The following SHISA9 variants were observed in gnomAD, a reference collection of about 807,000 sequenced individuals.
The protein encoded by SHISA9 is shisa family member 9.
Under a neutral mutation model 38.0 loss-of-function variants are expected in SHISA9, and 13 were observed. That is an observed-to-expected ratio of 0.34 (90% confidence interval 0.22 to 0.54). SHISA9 has a LOEUF of 0.54. Ranked by LOEUF, SHISA9 falls within the 20% of genes least tolerant of loss-of-function variation. SHISA9 has a pLI of 0.91. For missense variants in SHISA9, 538 were observed against 575.8 expected, an observed-to-expected ratio of 0.93 and a Z score of 0.67; for synonymous variants, 275 against 242.0, an observed-to-expected ratio of 1.14 and a Z score of -1.27.
intron 2 of SHISA9, among the ~76,000 whole-genome samples, chr16:13,140,229 T>A (rs928021864): frequency 3.4e-5 from 5 of 146,826 alleles, no homozygotes; most frequent in African/African-American, 1.3e-4. Context: ...CAGGCTGGAG[T>A]GCAATGATAC....
chr16:12,933,863 A>G (rs1309006287), intron 2 of SHISA9, among the ~76,000 whole-genome samples: 1 of 152,172 alleles, frequency 6.6e-6, no homozygotes, highest in Non-Finnish European at 1.5e-5. Flanking sequence ...TAGTGGGGGA[A>G]GACTGTTCAC....
intron 2 of SHISA9, among the ~76,000 whole-genome samples, chr16:13,080,689 T>A (rs1456754971): frequency 1.3e-5 from 2 of 152,254 alleles, no homozygotes; most frequent in Non-Finnish European, 2.9e-5. Flanking sequence ...AATAATGCTT[T>A]GCAGTGATTA....
the SHISA9 span, among the ~76,000 whole-genome samples, chr16:13,476,738 GTTTTTTTT>G: frequency 7.5e-4 from 49 of 65,226 alleles, no homozygotes; most frequent in African/African-American, 2.4e-3. Context: ...CCTGTTTTGT[GTTTTTTTT>G]TTTTTTTTTT....
At chr16:12,907,755 C>T (rs181304872) in intron 1 of SHISA9, among the ~76,000 whole-genome samples, 70 of 152,248 alleles carry the variant, frequency 4.6e-4, no homozygotes, top group African/African-American at 1.7e-3. Flanking sequence ...GGAGATTTCA[C>T]GCAGGAATCC....
At chr16:13,550,430 G>A in the SHISA9 span, among the ~76,000 whole-genome samples, 7 of 152,112 alleles carry the variant, frequency 4.6e-5, no homozygotes, top group Admixed American at 1.3e-4. Context: ...TTCCCTTTCC[G>A]GAACCAGCAA....
intron 2 of SHISA9, among the ~76,000 whole-genome samples, chr16:13,015,709 G>T (rs1195775755): frequency 6.6e-6 from 1 of 151,948 alleles, no homozygotes; most frequent in Non-Finnish European, 1.5e-5. Flanking sequence ...AGATACACCG[G>T]TTCCCTACTG....
chr16:13,166,933 C>G (rs923203475), intron 2 of SHISA9, among the ~76,000 whole-genome samples: 1 of 152,044 alleles, frequency 6.6e-6, no homozygotes, highest in Non-Finnish European at 1.5e-5. Context: ...ACACATTTAC[C>G]TATGTCACAA....
At chr16:13,194,012 C>T (rs915043429) in intron 2 of SHISA9, among the ~76,000 whole-genome samples, 1 of 152,156 alleles carries the variant, frequency 6.6e-6, no homozygotes. Context: ...ACATTCCTCC[C>T]CTACCCTGCA....
At chr16:13,515,135 T>C in the SHISA9 span, among the ~76,000 whole-genome samples, 14 of 152,136 alleles carry the variant, frequency 9.2e-5, no homozygotes, top group Admixed American at 7.2e-4. Flanking sequence ...GCAAGGAGGA[T>C]ATGGGAAATG....
At chr16:13,495,453 G>T in the SHISA9 span, among the ~76,000 whole-genome samples, 2 of 151,952 alleles carry the variant, frequency 1.3e-5, no homozygotes, top group East Asian at 1.9e-4. Context: ...TTTCATTTAA[G>T]AACTATAAAG....
the SHISA9 span, among the ~76,000 whole-genome samples, chr16:13,390,388 G>C: frequency 3.3e-5 from 5 of 152,282 alleles, no homozygotes; most frequent in East Asian, 7.7e-4. Context: ...TCTCGGCTCA[G>C]TTGTGTTGTG....
At chr16:13,155,961 G>A (rs2050543038) in intron 2 of SHISA9, among the ~76,000 whole-genome samples, 1 of 152,216 alleles carries the variant, frequency 6.6e-6, no homozygotes, top group Non-Finnish European at 1.5e-5. Context: ...TGTTTGCGGG[G>A]ATGCCAAAGT....
chr16:13,218,440 A>AT (rs2051192109), intron 4 of SHISA9, among the ~76,000 whole-genome samples: 2 of 152,152 alleles, frequency 1.3e-5, no homozygotes, highest in East Asian at 3.8e-4. Flanking sequence ...TTCCCAATGT[A>AT]TTTTTGCTGT....
chr16:13,557,099 T>C, the SHISA9 span, among the ~76,000 whole-genome samples: 1 of 152,218 alleles, frequency 6.6e-6, no homozygotes, highest in African/African-American at 2.4e-5. Context: ...TAGTAAGTGT[T>C]CAATAAATAT....
At chr16:12,970,440 CACACAT>C (rs1483664480) in intron 2 of SHISA9, among the ~76,000 whole-genome samples, 1 of 34,996 alleles carries the variant, frequency 2.9e-5, no homozygotes, top group Non-Finnish European at 5.2e-5. Context: ...TATATATATA[CACACAT>C]ATATATATAC....
At chr16:13,345,255 C>A in the SHISA9 span, among the ~76,000 whole-genome samples, 1 of 152,198 alleles carries the variant, frequency 6.6e-6, no homozygotes, top group East Asian at 1.9e-4. Flanking sequence ...CCTCTCCCTC[C>A]TCCCATCCTC....
chr16:13,418,232 A>G, the SHISA9 span, among the ~76,000 whole-genome samples: 4 of 152,176 alleles, frequency 2.6e-5, no homozygotes, highest in Admixed American at 6.5e-5. Flanking sequence ...AGGTGCTCCA[A>G]TTGTTTATTG....
chr16:13,381,416 T>C, the SHISA9 span, among the ~76,000 whole-genome samples: 2 of 152,308 alleles, frequency 1.3e-5, no homozygotes, highest in East Asian at 1.9e-4. Flanking sequence ...GATTTCAAAA[T>C]GAGGCAACTC....
chr16:13,043,938 T>C (rs1209723379), intron 2 of SHISA9, among the ~76,000 whole-genome samples: 3 of 152,220 alleles, frequency 2.0e-5, no homozygotes, highest in Non-Finnish European at 4.4e-5. Flanking sequence ...CTTACTTGAT[T>C]ATCTATATTG....
Sources: gnomAD v4.1 joint callset for allele counts (sites outside exome capture counted in the v4.1 genomes callset) on GRCh38, gnomAD v4.1.1 for gene constraint, MANE v1.5 for transcripts, NCBI Gene and HGNC (gene_info 2026-07-23, HGNC 2026-07-21) for gene names.